NEGR1: variants seen among roughly 807,000 people sequenced by gnomAD.
The protein encoded by NEGR1 is IgLON family member 4.
Under a neutral mutation model 40.9 loss-of-function variants are expected in NEGR1, and 10 were observed. That is an observed-to-expected ratio of 0.24 (90% CI 0.15 to 0.42). The LOEUF is 0.42. Ranked by LOEUF, NEGR1 falls within the 10% of genes least tolerant of loss-of-function variation. The pLI, the probability that NEGR1 is intolerant of heterozygous loss-of-function variation, is 1.00. For missense variants in NEGR1, 352 were observed against 438.9 expected, an observed-to-expected ratio of 0.80 and a Z score of 1.77; for synonymous variants, 185 against 166.8, an observed-to-expected ratio of 1.11 and a Z score of -0.84.
chr1:71,940,782 T>C (rs1214093391), intron 1 of NEGR1, among the ~76,000 whole-genome samples: 1 of 152,156 alleles, frequency 6.6e-6, no homozygotes, highest in Non-Finnish European at 1.5e-5. Context: ...TCAGAGAGTG[T>C]AGCGAAAAAT....
chr1:71,452,779 A>T (rs986609320), intron 6 of NEGR1, among the ~76,000 whole-genome samples: 3 of 147,468 alleles, frequency 2.0e-5, no homozygotes, highest in African/African-American at 7.5e-5. Context: ...AGTGCATTAA[A>T]AGTACAGTAA....
At chr1:71,906,897 T>A (rs957855012) in intron 2 of NEGR1, among the ~76,000 whole-genome samples, 1 of 152,110 alleles carries the variant, frequency 6.6e-6, no homozygotes, top group African/African-American at 2.4e-5. Context: ...GAAAAGATAG[T>A]CTTGAGGAAA....
At chr1:71,433,665 C>T (rs1027835076) in intron 6 of NEGR1, among the ~76,000 whole-genome samples, 16 of 152,274 alleles carry the variant, frequency 1.1e-4, no homozygotes, top group Admixed American at 3.9e-4. Flanking sequence ...ATCACTACCA[C>T]GAGAACAGTA....
chr1:71,952,254 C>G (rs2768388), intron 1 of NEGR1, among the ~76,000 whole-genome samples: 5,552 of 151,938 alleles, frequency 0.037, 337 homozygotes, highest in African/African-American at 0.13. Context: ...GAATGTAAAG[C>G]TAAAGTTTTT....
At chr1:72,243,407 G>A (rs1046399868) in intron 1 of NEGR1, among the ~76,000 whole-genome samples, 1 of 151,704 alleles carries the variant, frequency 6.6e-6, no homozygotes, top group Non-Finnish European at 1.5e-5. Flanking sequence ...TACATAATCA[G>A]GAATTTTAAG....
chr1:72,183,454 T>G (rs1391539317), intron 1 of NEGR1, among the ~76,000 whole-genome samples: 6 of 152,146 alleles, frequency 3.9e-5, no homozygotes, highest in African/African-American at 1.4e-4. Flanking sequence ...TCCACAGACA[T>G]CAGATGAGTA....
chr1:72,019,167 C>T (rs1370882216), intron 1 of NEGR1, among the ~76,000 whole-genome samples: 1 of 152,112 alleles, frequency 6.6e-6, no homozygotes, highest in Non-Finnish European at 1.5e-5. Flanking sequence ...CGGCCCTGTG[C>T]TCATAAATAG....
At chr1:72,134,897 C>T (rs541975934) in intron 1 of NEGR1, among the ~76,000 whole-genome samples, 1 of 151,010 alleles carries the variant, frequency 6.6e-6, no homozygotes, top group South Asian at 2.1e-4. Context: ...TCCATAACAC[C>T]CAGCTAATTT....
chr1:72,156,543 A>T (rs1044131143), intron 1 of NEGR1, among the ~76,000 whole-genome samples: 4 of 152,222 alleles, frequency 2.6e-5, no homozygotes, highest in African/African-American at 9.6e-5. Context: ...TCTATGGCAG[A>T]TGCTATGCAT....
intron 1 of NEGR1, among the ~76,000 whole-genome samples, chr1:72,162,801 T>G (rs1651624582): frequency 6.6e-6 from 1 of 152,204 alleles, no homozygotes. Context: ...TCATGCAGAC[T>G]GCAGAGGATA....
At chr1:71,741,293 C>G (rs1655205007) in intron 3 of NEGR1, among the ~76,000 whole-genome samples, 1 of 152,246 alleles carries the variant, frequency 6.6e-6, no homozygotes, top group South Asian at 2.1e-4. Context: ...ATATGGTACT[C>G]TGTGTAGCCA....
At chr1:72,041,969 AATATATAATACAT>A (rs902071736) in intron 1 of NEGR1, among the ~76,000 whole-genome samples, 2 of 133,634 alleles carry the variant, frequency 1.5e-5, no homozygotes, top group Non-Finnish European at 3.2e-5. Flanking sequence ...ATTATATATA[AATATATAATACAT>A]ATTTGAGACT....
At chr1:71,803,072 T>C (rs569509274) in intron 2 of NEGR1, among the ~76,000 whole-genome samples, 1 of 152,270 alleles carries the variant, frequency 6.6e-6, no homozygotes, top group African/African-American at 2.4e-5. Context: ...CAAATTTATA[T>C]GTTGAAATCC....
chr1:72,154,040 G>C lies in NEGR1; in HGVS notation c.176+128279C>G, dbSNP rs180735315. ...ATTGACAAATAAAAGAGTGTTGAAT[G>C]AGTGGAGACAGCAAATGTGAGTATC... On this transcript the variant is annotated intron_variant, in intron 1 of 6. Transcript: ENST00000357731. Among the ~76,000 whole-genome samples, 271 of 151,978 alleles carry C rather than the reference G, an allele frequency of 1.8e-3. 4 individuals carry two copies. The East Asian group carries it at 0.019, about 11-fold the overall frequency.
At chr1:71,608,445 C>G (rs1171208455) in intron 5 of NEGR1, among the ~76,000 whole-genome samples, 1 of 147,308 alleles carries the variant, frequency 6.8e-6, no homozygotes, top group Non-Finnish European at 1.5e-5. Flanking sequence ...CCAATTGGCC[C>G]TTTTCTATAT....
chr1:71,609,477 T>C (rs1334762463), intron 5 of NEGR1, among the ~76,000 whole-genome samples: 3 of 112,152 alleles, frequency 2.7e-5, no homozygotes, highest in African/African-American at 3.4e-5. Context: ...ATCACGCCAC[T>C]GCACTCCAGC....
At chr1:71,458,955 C>G (rs1646695011) in intron 6 of NEGR1, among the ~76,000 whole-genome samples, 1 of 152,116 alleles carries the variant, frequency 6.6e-6, no homozygotes. Context: ...CCCCATTCCT[C>G]AAAACCTTCC....
At chr1:71,805,681 C>A (rs1470916692) in intron 2 of NEGR1, among the ~76,000 whole-genome samples, 1 of 152,152 alleles carries the variant, frequency 6.6e-6, no homozygotes, top group Non-Finnish European at 1.5e-5. Flanking sequence ...ACAATATTTA[C>A]AATTTCTCTT....
Position 71,940,392 on chromosome 1 carries a change from C to T in NEGR1, c.177-5081G>A, listed in dbSNP as rs373260755. ...AAAAATACACTCTTCAGCATATGCT[C>T]TGTTGACACTATACCAAATATCATG... is the stretch of plus-strand genomic sequence containing the variant. On this transcript the variant is annotated intron_variant, in intron 1 of 6. Transcript: ENST00000357731. Among the ~76,000 whole-genome samples, 75 of 152,284 alleles carry T rather than the reference C, an allele frequency of 4.9e-4. 2 individuals are homozygous for T. The South Asian group carries it at 0.015, about 31-fold the overall frequency.
Sources: allele counts gnomAD v4.1 joint callset (sites outside exome capture counted in the v4.1 genomes callset), GRCh38; gene constraint gnomAD v4.1.1; transcripts MANE v1.5; gene names NCBI Gene and HGNC (gene_info 2026-07-23, HGNC 2026-07-21).